CUL2: variants seen among roughly 807,000 people sequenced by gnomAD.
CUL2 encodes cullin-2.
In CUL2, 22 loss-of-function variants were observed where a neutral mutation model predicts 110.2. The ratio of observed to expected loss-of-function variants is 0.20; its 90% CI spans 0.14 to 0.28. The LOEUF is 0.28. CUL2 is among the 10% of genes least tolerant of loss of function. The pLI is 1.00. For missense variants in CUL2, 631 were observed against 905.5 expected (o/e 0.70, Z 3.89); for synonymous variants, 279 against 293.2 (o/e 0.95, Z 0.49).
At position 35,032,706 on chromosome 10, in the gene CUL2, C is replaced by T. The variant is rs186119882; in HGVS notation, c.1111-212G>A. 3.7e-3 allele frequency among the ~76,000 whole-genome samples: 570 copies of T among 152,110 alleles called. 5 individuals are homozygous for T. Among genetic ancestry groups the T allele is most frequent in the Middle Eastern group, 0.014 (4 of 294 alleles). ...ATATCTATATATCCTGTTGCTATTC[C>T]AAGATATTCTGTAACTCATTATCGA... On this transcript the variant is annotated intron_variant, in intron 11 of 20. Coordinates refer to ENST00000374749, the MANE Select transcript of CUL2 (RefSeq NM_003591.4).
chr10:35,030,959 C>T (rs1335523547), intron 14 of CUL2, among the ~76,000 whole-genome samples: 5 of 152,166 alleles, frequency 3.3e-5, no homozygotes, highest in African/African-American at 1.2e-4. Context: ...TATGAACCTG[C>T]TACCACTTAT....
chr10:35,012,540 C>G (rs1434072293), intron 19 of CUL2, among the ~76,000 whole-genome samples: 1 of 152,018 alleles, frequency 6.6e-6, no homozygotes, highest in Non-Finnish European at 1.5e-5. Flanking sequence ...GGAGAGGGGG[C>G]CTATCTCCAC....
intron 20 of CUL2, among the ~76,000 whole-genome samples, chr10:35,011,416 G>A (rs950417364): frequency 6.6e-5 from 10 of 151,726 alleles, no homozygotes; most frequent in East Asian, 2.0e-4. Context: ...TCAGGAGTTC[G>A]AGACCAGCCT....
intron 1 of CUL2, among the ~76,000 whole-genome samples, chr10:35,079,375 G>A (rs2086894300): frequency 6.6e-6 from 1 of 152,160 alleles, no homozygotes; most frequent in Non-Finnish European, 1.5e-5. Context: ...TCCTGAATAT[G>A]TGTTACAGTC....
At position 35,060,865 on chromosome 10, in the gene CUL2, C is replaced by T. The variant is rs2134919220; in HGVS notation, c.317+9G>A. 6.2e-7 allele frequency: 1 copy of T among 1,600,936 alleles called. No homozygotes were observed. Among genetic ancestry groups the T allele is most frequent in the South Asian group, 1.1e-5 (1 of 88,454 alleles). On this transcript the variant is annotated intron_variant, in intron 4 of 20. Coordinates refer to ENST00000374749, the MANE Select transcript of CUL2 (RefSeq NM_003591.4). ...GCTTAGCTTGTCTAGATTTTAAAGGCACACTCACCTATATAAGCAGTCCAT... is the reference window on the plus strand; with the variant it reads ...GCTTAGCTTGTCTAGATTTTAAAGGTACACTCACCTATATAAGCAGTCCAT...
At chr10:35,020,974 T>C (rs1379500603) in intron 17 of CUL2, among the ~76,000 whole-genome samples, 1 of 151,322 alleles carries the variant, frequency 6.6e-6, no homozygotes, top group African/African-American at 2.4e-5. Flanking sequence ...TTTTTTTTTT[T>C]TTTTTTCAAG....
At chr10:35,090,593 G>A (rs568440959), upstream of CUL2, 1 of 152,760 alleles carries the variant, frequency 6.5e-6, no homozygotes, top group South Asian at 2.1e-4. Flanking sequence ...ACACCCTCCG[G>A]TCTCCTTCTT....
intron 1 of CUL2, among the ~76,000 whole-genome samples, chr10:35,114,763 A>G (rs1231964938): frequency 1.3e-5 from 2 of 152,206 alleles, no homozygotes; most frequent in African/African-American, 4.8e-5. Flanking sequence ...CATGGTGAGG[A>G]GAGAGAAAAT....
intron 2 of CUL2, among the ~76,000 whole-genome samples, chr10:35,065,608 G>C (rs1391175449): frequency 6.6e-6 from 1 of 151,210 alleles, no homozygotes; most frequent in Admixed American, 6.6e-5. Context: ...TACAGAGCGA[G>C]ACTCCATCTC....
At chr10:35,103,891 C>G (rs2087420581) in intron 1 of CUL2, among the ~76,000 whole-genome samples, 1 of 151,762 alleles carries the variant, frequency 6.6e-6, no homozygotes, top group Non-Finnish European at 1.5e-5. Flanking sequence ...TGTAACCTCT[C>G]CAAGGGATAG....
chr10:35,103,377 C>G (rs936380971), intron 1 of CUL2, among the ~76,000 whole-genome samples: 1 of 133,710 alleles, frequency 7.5e-6, no homozygotes, highest in Non-Finnish European at 1.5e-5. Context: ...CAGGCTGGAG[C>G]GCAGTGGCAC....
At chr10:35,033,769 A>C (rs936070661) in intron 10 of CUL2, among the ~76,000 whole-genome samples, 2 of 148,850 alleles carry the variant, frequency 1.3e-5, no homozygotes, top group Non-Finnish European at 3.0e-5. Flanking sequence ...AAAAAAAAAA[A>C]AAGGAAGAAA....
chr10:35,086,484 G>A (rs1362136386), intron 1 of CUL2, among the ~76,000 whole-genome samples: 1 of 151,900 alleles, frequency 6.6e-6, no homozygotes, highest in African/African-American at 2.4e-5. Flanking sequence ...GACAGGGTTC[G>A]CCATGTTGCC....
At chr10:35,054,413 G>T in intron 5 of CUL2, 21 bp downstream of exon 5, 1 of 1,277,058 alleles carries the variant, frequency 7.8e-7, no homozygotes. Flanking sequence ...ATGTTTGCTA[G>T]TCACTTAAAG....
At chr10:35,035,077 T>A (rs943092117) in intron 10 of CUL2, 95 bp downstream of exon 10, 3 of 1,449,504 alleles carry the variant, frequency 2.1e-6, no homozygotes, top group Non-Finnish European at 2.9e-6. Context: ...ATGGTAAGAC[T>A]TTTTCTTTCA....
At chr10:35,048,515 C>T (rs1216655220) in intron 6 of CUL2, among the ~76,000 whole-genome samples, 2 of 152,172 alleles carry the variant, frequency 1.3e-5, no homozygotes, top group Non-Finnish European at 2.9e-5. Flanking sequence ...TGTCATTATA[C>T]TTTTAAATAC....
chr10:35,035,777 A>G (rs978366815), intron 9 of CUL2, among the ~76,000 whole-genome samples: 3 of 152,200 alleles, frequency 2.0e-5, no homozygotes, highest in Non-Finnish European at 4.4e-5. Flanking sequence ...TATATGCAAT[A>G]TAAGTTCCCA....
At chr10:35,036,925 G>A (rs1044280425) in intron 9 of CUL2, among the ~76,000 whole-genome samples, 3 of 151,994 alleles carry the variant, frequency 2.0e-5, no homozygotes, top group Non-Finnish European at 4.4e-5. Context: ...TGCAGAGATG[G>A]GATACTGTCA....
In CUL2 at chr10:35,062,982, T is replaced by A; in HGVS notation, c.200A>T (p.Asn67Ile). ...TACCTTATGCAAATGCCGAACATGA[T>A]TTTCCAAAAAAATCTTAGTTTCTGT... ...LYTETKIFLE[N>I]HVRHLHKRVL... The change falls in exon 3 of 21, where the codon AAT (asparagine) becomes ATT (isoleucine). Residue 67 changes from asparagine to isoleucine, a missense_variant. Transcript: ENST00000374749. 2 of 1,605,994 alleles carry A rather than the reference T, an allele frequency of 1.2e-6. No homozygotes were observed. The highest frequency in any genetic ancestry group is 1.7e-6 in the Non-Finnish European group (2 of 1,172,948).
Sources: gnomAD v4.1 joint callset for allele counts (sites outside exome capture counted in the v4.1 genomes callset) on GRCh38, gnomAD v4.1.1 for gene constraint, MANE v1.5 for transcripts, NCBI Gene and HGNC (gene_info 2026-07-23, HGNC 2026-07-21) for gene names.